DSP: variants seen among roughly 807,000 people sequenced by gnomAD.
DSP encodes 250/210 kDa paraneoplastic pemphigus antigen.
DSP carries 114 observed loss-of-function variants against 290.6 expected under a neutral mutation model. The observed-to-expected ratio is 0.39, with a 90% CI of 0.34 to 0.46. The LOEUF is 0.46. Among genes scored for constraint, DSP ranks in the 20% least tolerant of loss-of-function variants. The pLI is 0.99. For synonymous variants in DSP, 1,311 were observed against 1,316.4 expected, an observed-to-expected ratio of 1.00 and a Z score of 0.09; for missense variants, 3,230 against 3,495.8, an observed-to-expected ratio of 0.92 and a Z score of 1.92.
intron 1 of DSP, among the ~76,000 whole-genome samples, chr6:7,543,210 C>T (rs1661734943): frequency 6.6e-6 from 1 of 151,872 alleles, no homozygotes; most frequent in South Asian, 2.1e-4. Flanking sequence ...GGAAAGAGGC[C>T]CTGAGCGCCG....
Position 7,558,278 on chromosome 6 carries a change from A to C in DSP, c.422+14A>C. 6.2e-7 allele frequency: 1 copy of C among 1,612,506 alleles called. No homozygotes were observed. Among genetic ancestry groups the C allele is most frequent in the Non-Finnish European group, 8.5e-7 (1 of 1,179,048 alleles). On this transcript the variant is annotated intron_variant, in intron 3 of 23. Transcript: ENST00000379802. ...TTACCAGAAAAGGTATTGTCCACAG[A>C]GCATGGATCGGGCAGTCCCCATGAA...
rs2113675907 is a variant in DSP at position 7,569,386 on chromosome 6, G to A, written c.1574+46G>A. 4 of 1,613,970 alleles carry A rather than the reference G, an allele frequency of 2.5e-6. No homozygotes were observed. The East Asian group carries it at 8.9e-5, about 36-fold the overall frequency. On this transcript the variant is annotated intron_variant, in intron 12 of 23. Coordinates refer to ENST00000379802, the MANE Select transcript of DSP (RefSeq NM_004415.4). ...AAGCCACGCATGCACGCATGAATGT[G>A]AGGGCAGAGGAAGAGGGCAGGTGTT...
rs397514039 is a variant in DSP at position 7,584,883 on chromosome 6, A to AG, written c.7623dup (p.Lys2542GlufsTer4). ...TGCTATTGACAAGGGCCTTGTTGAC[A>AG]GGAAGTTCTTTGATCAGTACCGATC... On this transcript the variant is annotated frameshift_variant, in exon 24 of 24. Transcript: ENST00000379802. LOFTEE classifies it high-confidence loss of function. The surrounding 1 kb of genome is among the most constrained non-coding windows in gnomAD (Gnocchi z 6.4). 6.2e-7 allele frequency: 1 copy of AG among 1,614,240 alleles called. No homozygotes were observed. The highest frequency in any genetic ancestry group is 8.5e-7 in the Non-Finnish European group (1 of 1,180,048).
chr6:7,576,465 C>T lies in DSP; in HGVS notation c.2793+9C>T. 1 of 1,613,962 alleles carries T rather than the reference C, an allele frequency of 6.2e-7. No homozygotes were observed. The highest frequency in any genetic ancestry group is 1.3e-5 in the African/African-American group (1 of 75,016). On this transcript the variant is annotated intron_variant, in intron 19 of 23. Transcript: ENST00000379802. ...TTTTGAATGAGCAGAAGGTATAAGC[C>T]AACTTTTTGTTCCATAGCTGTTTTG...
At chr6:7,578,852 T>C (rs1466900396) in intron 22 of DSP, among the ~76,000 whole-genome samples, 2 of 152,236 alleles carry the variant, frequency 1.3e-5, no homozygotes, top group Non-Finnish European at 2.9e-5. Context: ...GTGTTAAAGA[T>C]AACATCTTGG....
chr6:7,576,867 G>A, intron 19 of DSP, 92 bp from the exon 20 acceptor site: 1 of 1,121,658 alleles, frequency 8.9e-7, no homozygotes, highest in Non-Finnish European at 1.3e-6. Flanking sequence ...CTGAAAAAAG[G>A]GTACAAATAA....
chr6:7,556,202 GA>G (rs1296326670), intron 2 of DSP, among the ~76,000 whole-genome samples: 1 of 151,852 alleles, frequency 6.6e-6, no homozygotes, highest in Non-Finnish European at 1.5e-5. Context: ...AATTTAGTAT[GA>G]TTTTTTTTTT....
At chr6:7,544,847 A>G (rs1372957925) in intron 1 of DSP, among the ~76,000 whole-genome samples, 2 of 152,210 alleles carry the variant, frequency 1.3e-5, no homozygotes, top group African/African-American at 4.8e-5. Context: ...GGAATCTGCA[A>G]CTACTTAATT....
At chr6:7,546,669 C>T (rs1305414348) in intron 1 of DSP, among the ~76,000 whole-genome samples, 1 of 152,192 alleles carries the variant, frequency 6.6e-6, no homozygotes, top group African/African-American at 2.4e-5. Flanking sequence ...AAACCCTTTT[C>T]TATCTGAGTT....
At chr6:7,546,368 TG>T (rs1307839505) in intron 1 of DSP, among the ~76,000 whole-genome samples, 1 of 152,256 alleles carries the variant, frequency 6.6e-6, no homozygotes, top group Non-Finnish European at 1.5e-5. Context: ...AACATTTACA[TG>T]GTTATTAAAT....
In DSP at chr6:7,558,212, T is replaced by C. The variant is rs2113657689; in HGVS notation, c.370T>C (p.Leu124=). 1 of 1,614,238 alleles carries C rather than the reference T, an allele frequency of 6.2e-7. No individual in the cohort carries two copies. The highest frequency in any genetic ancestry group is 8.5e-7 in the Non-Finnish European group (1 of 1,180,040). ...ANDQMEILDS[L]IREMRQMGQP... Reference sequence around the variant, plus strand: ...TGACCAAATGGAAATCCTCGACAGCTTGATCAGAGAGATGCGGCAGATGGG... The same window carrying C: ...TGACCAAATGGAAATCCTCGACAGCCTGATCAGAGAGATGCGGCAGATGGG... The change falls in exon 3 of 24, where the codon TTG becomes CTG. Residue 124 remains leucine (L), a synonymous_variant. Coordinates refer to ENST00000379802, the MANE Select transcript of DSP (RefSeq NM_004415.4).
In DSP at chr6:7,543,538, T is replaced by G. The variant is rs117328985; in HGVS notation, c.170+1453T>G. On this transcript the variant is annotated intron_variant, in intron 1 of 23. Coordinates refer to ENST00000379802, the MANE Select transcript of DSP (RefSeq NM_004415.4). ...ATGAAAACTTGGGTTTTCATTACAT[T>G]TGTTTTAAAATTTTGCCAGCCATTT... 4.6e-5 allele frequency among the ~76,000 whole-genome samples: 7 copies of G among 152,184 alleles called. No homozygotes were observed. In the East Asian group the frequency reaches 1.4e-3, roughly 29 times the overall value.
Position 7,572,209 on chromosome 6 carries a change from T to C in DSP, c.2130+141T>C, listed in dbSNP as rs957466937. 1.7e-5 allele frequency: 14 copies of C among 809,712 alleles called. No individual in the cohort carries two copies. In the Admixed American group the frequency reaches 2.1e-4, roughly 12 times the overall value. 50.2% of individuals were successfully genotyped at this position (809,712 alleles called of 1,614,324 possible). On this transcript the variant is annotated intron_variant, in intron 15 of 23. Coordinates refer to ENST00000379802, the MANE Select transcript of DSP (RefSeq NM_004415.4). ...ACAGGCTTCTGGCAGGATTTCCTTA[T>C]GTATTATGTTTCCAAATTTGTAGAC... is the stretch of plus-strand genomic sequence containing the variant.
At position 7,569,235 on chromosome 6, in the gene DSP, G is replaced by T. The variant is rs747815091; in HGVS notation, c.1469G>T (p.Arg490Leu). Residue 490 changes from arginine (R) to leucine (L), a missense_variant, in exon 12 of 24, where the codon CGC becomes CTC. Arg to Leu is a moderately radical substitution (Grantham distance 102, BLOSUM62 -2). Around this residue, in one of 5 missense-constraint regions of DSP, gnomAD observed 646 missense variants for 684.3 expected, o/e 0.94. Transcript: ENST00000379802. Reference sequence around the variant, plus strand: ...TGTATCCTGAAGGACAACAACGAGCGCAGCAAGTGGTACGTGACGGGCCCG... The same window carrying T: ...TGTATCCTGAAGGACAACAACGAGCTCAGCAAGTGGTACGTGACGGGCCCG... ...DECILKDNNE[R>L]SKWYVTGPGG... The T allele has an allele frequency of 6.2e-7, 1 of 1,614,048 alleles. No homozygotes were observed. Among genetic ancestry groups the T allele is most frequent in the Non-Finnish European group, 8.5e-7 (1 of 1,180,052 alleles).
Position 7,571,094 on chromosome 6 carries a change from G to T in DSP, c.1702-289G>T, listed in dbSNP as rs2806233. Reference sequence around the variant, plus strand: ...GGTCCCCCGAGCCCTTTTTCTCTTTGTAGTTGGAGCAGCTTTGCTGGGCTC... The same window carrying T: ...GGTCCCCCGAGCCCTTTTTCTCTTTTTAGTTGGAGCAGCTTTGCTGGGCTC... On this transcript the variant is annotated intron_variant, in intron 13 of 23. Coordinates refer to ENST00000379802, the MANE Select transcript of DSP (RefSeq NM_004415.4). 0.95 allele frequency among the ~76,000 whole-genome samples: 145,025 copies of T among 151,974 alleles called. 69,302 individuals carry two copies. Among genetic ancestry groups the T allele is most frequent in the East Asian group, 1 (5,156 of 5,158 alleles).
chr6:7,584,605 A>G lies in DSP; in HGVS notation c.7343A>G (p.Glu2448Gly), dbSNP rs1265289663. ...ETGLCLLPLK[E>G]KKKQVQTSQK... ...GGGCTCTGTCTTCTGCCTCTGAAAG[A>G]AAAGAAGAAACAGGTGCAGACATCA... The change falls in exon 24 of 24, where the codon GAA (glutamate) becomes GGA (glycine). Residue 2448 changes from glutamate (E) to glycine (G), a missense_variant. Physicochemically the swap from Glu to Gly is moderately conservative, Grantham distance 98 (BLOSUM62 -2). Transcript: ENST00000379802. This position sits in a 1 kb window ranked among gnomAD's most constrained non-coding sequence, Gnocchi z 6.4. 2 of 1,614,056 alleles carry G rather than the reference A, an allele frequency of 1.2e-6. No homozygotes were observed. The highest frequency in any genetic ancestry group is 3.3e-5 in the Admixed American group (2 of 60,030).
chr6:7,559,108 C>A, intron 3 of DSP, 118 bp from the exon 4 acceptor site: 1 of 1,170,704 alleles, frequency 8.5e-7, no homozygotes, highest in Non-Finnish European at 1.2e-6. Flanking sequence ...CTTCAAATAC[C>A]ATAAAACATT....
chr6:7,580,930 G>T lies in DSP; in HGVS notation c.4740G>T (p.Leu1580=). 1 of 1,614,140 alleles carries T rather than the reference G, an allele frequency of 6.2e-7. No individual in the cohort carries two copies. The highest frequency in any genetic ancestry group is 8.5e-7 in the Non-Finnish European group (1 of 1,180,022). ...KQKVEEELNR[L]KRTASEDSCK... is the part of the protein sequence containing the mutation. ...AGGTGGAAGAGGAGCTGAATCGGCTGAAGAGGACCGCGTCAGAAGACTCCT... is the reference window on the plus strand; with the variant it reads ...AGGTGGAAGAGGAGCTGAATCGGCTTAAGAGGACCGCGTCAGAAGACTCCT... Residue 1580 remains leucine, a synonymous_variant, in exon 23 of 24, where the codon CTG becomes CTT. Transcript: ENST00000379802. This position sits in a 1 kb window ranked among gnomAD's most constrained non-coding sequence, Gnocchi z 4.2.
chr6:7,568,586 T>A lies in DSP; in HGVS notation c.1416T>A (p.Asp472Glu). 3.1e-6 allele frequency: 5 copies of A among 1,613,844 alleles called. No individual in the cohort carries two copies. Among genetic ancestry groups the A allele is most frequent in the Non-Finnish European group, 4.2e-6 (5 of 1,180,006 alleles). The part of the protein sequence containing the change: ...ILRALCDYKQ[D>E]QKIVHKGDEC... ...GAGCTCTCTGTGACTACAAACAAGA[T>A]CAGGTGTGTACTCATTTAGAATGAT... Residue 472 changes from aspartate to glutamate, a missense_variant, in exon 11 of 24, where the codon GAT (aspartate) becomes GAA (glutamate). By Grantham distance (45) the Asp-to-Glu change is conservative. Around this residue, in one of 5 missense-constraint regions of DSP, gnomAD observed 646 missense variants for 684.3 expected, o/e 0.94. Coordinates refer to ENST00000379802, the MANE Select transcript of DSP (RefSeq NM_004415.4).
Sources: allele counts gnomAD v4.1 joint callset (sites outside exome capture counted in the v4.1 genomes callset), GRCh38; gene constraint gnomAD v4.1.1; regional missense constraint gnomAD v4.1.1; non-coding constraint Gnocchi (gnomAD v3.1); transcripts MANE v1.5; gene names NCBI Gene and HGNC (gene_info 2026-07-23, HGNC 2026-07-21).